The following NOSTRIN variants were observed in gnomAD, a reference collection of about 807,000 sequenced individuals.
NOSTRIN encodes the protein BM247 homolog.
NOSTRIN carries 63 observed loss-of-function variants against 59.0 expected under a neutral mutation model. The observed-to-expected ratio is 1.07, with a 90% CI of 0.87 to 1.32. The LOEUF is 1.32. Among genes scored for constraint, NOSTRIN ranks in the 40% most tolerant of loss-of-function variants. NOSTRIN has a pLI of 0.00. For missense variants in NOSTRIN, 512 were observed against 473.1 expected (o/e 1.08, Z -0.76); for synonymous variants, 200 against 165.4 (o/e 1.21, Z -1.61).
chr2:168,814,173 G>A (rs1686285712), intron 2 of NOSTRIN, among the ~76,000 whole-genome samples: 1 of 152,166 alleles, frequency 6.6e-6, no homozygotes, highest in South Asian at 2.1e-4. Context: ...AAAGATACAG[G>A]CCACTTCACT....
chr2:168,865,236 C>T lies in NOSTRIN; in HGVS notation c.*266C>T. The T allele has an allele frequency of 2.8e-6, 1 of 352,514 alleles. No homozygotes were observed. The highest frequency in any genetic ancestry group is 5.2e-6 in the Non-Finnish European group (1 of 193,722). 21.8% of individuals were successfully genotyped at this position (352,514 alleles called of 1,614,324 possible). A position where few individuals can be genotyped will look rare whatever the true frequency, so the allele number is the denominator to read the frequency against. ...AGACCCTAGAGATGATCCAGTATAACCCCTGGTGTCACAGAAACAGACGGA... is the reference window on the plus strand; with the variant it reads ...AGACCCTAGAGATGATCCAGTATAATCCCTGGTGTCACAGAAACAGACGGA... On this transcript the variant is annotated 3_prime_UTR_variant, in exon 16 of 16. Coordinates refer to ENST00000317647, the MANE Select transcript of NOSTRIN (RefSeq NM_001039724.4).
chr2:168,830,277 G>A (rs766791099), intron 5 of NOSTRIN, among the ~76,000 whole-genome samples: 2 of 152,098 alleles, frequency 1.3e-5, no homozygotes, highest in Non-Finnish European at 2.9e-5. Flanking sequence ...GATGTCATGA[G>A]CACCCCCGAA....
intron 7 of NOSTRIN, among the ~76,000 whole-genome samples, chr2:168,838,946 G>A (rs1687900680): frequency 6.6e-6 from 1 of 151,874 alleles, no homozygotes; most frequent in Non-Finnish European, 1.5e-5. Context: ...ACCATGCCCA[G>A]CTAATTTTTT....
intron 6 of NOSTRIN, among the ~76,000 whole-genome samples, chr2:168,833,549 T>C (rs1255822581): frequency 6.6e-6 from 1 of 152,238 alleles, no homozygotes; most frequent in Non-Finnish European, 1.5e-5. Flanking sequence ...ATAATTTATC[T>C]CTGGAGCATC....
At chr2:168,864,632 T>TATC (rs1689738825) in intron 15 of NOSTRIN, among the ~76,000 whole-genome samples, 1 of 152,226 alleles carries the variant, frequency 6.6e-6, no homozygotes, top group Admixed American at 6.5e-5. Context: ...AGTTGTTCAT[T>TATC]ATCTTACTCT....
chr2:168,797,657 G>A (rs1685521363), upstream of NOSTRIN, among the ~76,000 whole-genome samples: 1 of 147,098 alleles, frequency 6.8e-6, no homozygotes, highest in African/African-American at 2.6e-5. Flanking sequence ...ATTAAAGTTA[G>A]CATAAGTGTT....
upstream of NOSTRIN, among the ~76,000 whole-genome samples, chr2:168,796,874 C>G (rs890512992): frequency 3.3e-5 from 5 of 152,052 alleles, no homozygotes; most frequent in African/African-American, 1.2e-4. Flanking sequence ...TGGGCCTACC[C>G]GTAAACAATA....
chr2:168,855,638 C>CAAAAAAAAAAAAAAAAAAAAAAAATAAAA, intron 11 of NOSTRIN, 178 bp downstream of exon 11: 1 of 115,544 alleles, frequency 8.7e-6, no homozygotes, highest in Non-Finnish European at 1.6e-5. Flanking sequence ...AAAAGAAAGC[C>CAAAAAAAAAAAAAAAAAAAAAAAATAAAA]AAAAAAAAAA....
intron 7 of NOSTRIN, among the ~76,000 whole-genome samples, chr2:168,840,554 AAAAAAC>A (rs1290737988): frequency 6.6e-6 from 1 of 151,640 alleles, no homozygotes; most frequent in Non-Finnish European, 1.5e-5. Flanking sequence ...AAAAAAAACA[AAAAAAC>A]AGATATGTCC....
intron 7 of NOSTRIN, among the ~76,000 whole-genome samples, chr2:168,841,407 A>G (rs1688102224): frequency 6.6e-6 from 1 of 152,176 alleles, no homozygotes; most frequent in African/African-American, 2.4e-5. Context: ...ACCCTGGCCC[A>G]GGGAGTTTTA....
At chr2:168,809,767 A>C in intron 1 of NOSTRIN, among the ~76,000 whole-genome samples, 1 of 148,106 alleles carries the variant, frequency 6.8e-6, no homozygotes, top group South Asian at 2.1e-4. Context: ...AAATATAAAA[A>C]ATAAATAATA....
At chr2:168,830,738 T>G (rs1347100009) in intron 5 of NOSTRIN, among the ~76,000 whole-genome samples, 1 of 152,214 alleles carries the variant, frequency 6.6e-6, no homozygotes, top group Non-Finnish European at 1.5e-5. Flanking sequence ...TAAAGCAATA[T>G]TCACTTCAGG....
intron 2 of NOSTRIN, among the ~76,000 whole-genome samples, chr2:168,790,112 G>C (rs3845726): frequency 0.73 from 110,544 of 152,122 alleles, 41,523 homozygotes; most frequent in East Asian, 0.97. Flanking sequence ...CAAAGACATC[G>C]CTCTTTGCCT....
chr2:168,845,549 G>A (rs1421397928), intron 8 of NOSTRIN, among the ~76,000 whole-genome samples: 1 of 152,132 alleles, frequency 6.6e-6, no homozygotes, highest in South Asian at 2.1e-4. Context: ...AGAAGCTCTT[G>A]CTACGCCTCT....
At position 168,864,990 on chromosome 2, in the gene NOSTRIN, T is replaced by C; in HGVS notation, c.*20T>C. 2 of 1,613,012 alleles carry C rather than the reference T, an allele frequency of 1.2e-6. No individual in the cohort carries two copies. Among genetic ancestry groups the C allele is most frequent in the South Asian group, 1.1e-5 (1 of 91,006 alleles). ...GCATAAAACAAGACTCTGAACATAC[T>C]ACCTTCACACTCGGTAATCAACAAT... On this transcript the variant is annotated 3_prime_UTR_variant, in exon 16 of 16. Transcript: ENST00000317647.
At position 168,865,023 on chromosome 2, in the gene NOSTRIN, G is replaced by C. The variant is rs1689776299; in HGVS notation, c.*53G>C. 6.3e-7 allele frequency: 1 copy of C among 1,582,572 alleles called. No homozygotes were observed. Among genetic ancestry groups the C allele is most frequent in the Non-Finnish European group, 8.6e-7 (1 of 1,163,016 alleles). On this transcript the variant is annotated 3_prime_UTR_variant, in exon 16 of 16. Coordinates refer to ENST00000317647, the MANE Select transcript of NOSTRIN (RefSeq NM_001039724.4). ...CACTCGGTAATCAACAATACAGTGTGGTTCAAATAAGAATAAAGTGCTCTT... is the reference window on the plus strand; with the variant it reads ...CACTCGGTAATCAACAATACAGTGTCGTTCAAATAAGAATAAAGTGCTCTT...
chr2:168,854,467 T>C (rs989500256), intron 10 of NOSTRIN, among the ~76,000 whole-genome samples: 1 of 152,156 alleles, frequency 6.6e-6, no homozygotes, highest in African/African-American at 2.4e-5. Context: ...ACCATCCTAT[T>C]CTTTTTTATT....
chr2:168,843,242 C>CTTCAGACAAA, intron 8 of NOSTRIN, 125 bp downstream of exon 8: 1 of 580,350 alleles, frequency 1.7e-6, no homozygotes. Context: ...CATATTGTGA[C>CTTCAGACAAA]TTCAGACAAA....
In NOSTRIN at chr2:168,831,489, A is replaced by G; in HGVS notation, c.360A>G (p.Glu120=). Residue 120 remains glutamate, a synonymous_variant, in exon 6 of 16, where the codon GAA becomes GAG. Transcript: ENST00000317647. Reference sequence around the variant, plus strand: ...TTCAATAGCTTGACAATGAAGTTGAAAAGACAGCAAATCTTGTCATTAGCA... The same window carrying G: ...TTCAATAGCTTGACAATGAAGTTGAGAAGACAGCAAATCTTGTCATTAGCA... ...KKRKSLDNEV[E]KTANLVISNW... 1 of 866,732 alleles carries G rather than the reference A, an allele frequency of 1.2e-6. No homozygotes were observed. Among genetic ancestry groups the G allele is most frequent in the East Asian group, 2.4e-5 (1 of 41,618 alleles). 53.7% of individuals were successfully genotyped at this position (866,732 alleles called of 1,614,324 possible). A position where few individuals can be genotyped will look rare whatever the true frequency, so the allele number is the denominator to read the frequency against.
Sources: allele counts gnomAD v4.1 joint callset (sites outside exome capture counted in the v4.1 genomes callset), GRCh38; gene constraint gnomAD v4.1.1; transcripts MANE v1.5; gene names NCBI Gene and HGNC (gene_info 2026-07-23, HGNC 2026-07-21).